GIN1: variants seen among roughly 807,000 people sequenced by gnomAD.
GIN1 encodes gypsy retrotransposon integrase-like protein 1.
A neutral mutation model predicts 51.4 loss-of-function variants in GIN1; 41 were observed. That is an observed-to-expected ratio of 0.80 (90% CI 0.62 to 1.04). The LOEUF (loss-of-function observed/expected upper bound fraction) is 1.04, where lower values mean the gene tolerates loss of function less well. Among genes scored for constraint, GIN1 ranks in the 50% least tolerant of loss-of-function variants. GIN1 has a pLI of 0.00. For synonymous variants in GIN1, 222 were observed against 206.5 expected, an observed-to-expected ratio of 1.07 and a Z score of -0.64; for missense variants, 610 against 612.4, an observed-to-expected ratio of 1.00 and a Z score of 0.04.
At chr5:103,101,038 CAT>C (rs1554195737) in intron 4 of GIN1, among the ~76,000 whole-genome samples, 1 of 152,158 alleles carries the variant, frequency 6.6e-6, no homozygotes, top group African/African-American at 2.4e-5. Flanking sequence ...TTCCCCTATA[CAT>C]ACATACCTAT....
rs782324988 is a variant in GIN1 at position 103,106,732 on chromosome 5, T to C, written c.317A>G (p.Asn106Ser). The change falls in exon 3 of 8, where the codon AAT becomes AGT. Residue 106 changes from asparagine to serine, a missense_variant. By Grantham distance (46) the Asn-to-Ser change is conservative. Transcript: ENST00000399004. Reference sequence around the variant, plus strand: ...AAGCCATACCCACTGTTTGACATCATTGGTCACAGATGTCCAATAATAATT... The same window carrying C: ...AAGCCATACCCACTGTTTGACATCACTGGTCACAGATGTCCAATAATAATT... The part of the protein sequence containing the change: ...ESNYYWTSVT[N>S]DVKQWVYACQ... The C allele has an allele frequency of 1.8e-5, 29 of 1,587,580 alleles. No homozygotes were observed. In the South Asian group the frequency reaches 2.8e-4, roughly 15 times the overall value.
intron 7 of GIN1, among the ~76,000 whole-genome samples, chr5:103,096,211 T>C (rs782221681): frequency 1.1e-4 from 16 of 151,800 alleles, no homozygotes; most frequent in Non-Finnish European, 1.9e-4. Flanking sequence ...GGCATGGTGG[T>C]ATCCACCTGT....
intron 1 of GIN1, among the ~76,000 whole-genome samples, chr5:103,110,932 G>C (rs1787864974): frequency 6.6e-6 from 1 of 152,054 alleles, no homozygotes; most frequent in Non-Finnish European, 1.5e-5. Context: ...CAAACCATCT[G>C]TGGTGAAACA....
At chr5:103,101,040 T>C (rs1388955391) in intron 4 of GIN1, among the ~76,000 whole-genome samples, 3 of 152,196 alleles carry the variant, frequency 2.0e-5, no homozygotes, top group African/African-American at 4.8e-5. Context: ...CCCCTATACA[T>C]ACATACCTAT....
rs1787672155 is a variant in GIN1 at position 103,104,644 on chromosome 5, T to C, written c.536A>G (p.Asp179Gly). 6.2e-7 allele frequency: 1 copy of C among 1,604,244 alleles called. No homozygotes were observed. The highest frequency in any genetic ancestry group is 1.7e-5 in the Admixed American group (1 of 59,976). The change falls in exon 4 of 8, where the codon GAT becomes GGT. Residue 179 changes from aspartate to glycine, a missense_variant. Transcript: ENST00000399004. ...TKWIVILPLC[D>G]VSASEVSKAI... ...TTTAGAAACTTCTGATGCTGAAACATCACATAGAGGCAAAATCACAATCCA... is the reference window on the plus strand; with the variant it reads ...TTTAGAAACTTCTGATGCTGAAACACCACATAGAGGCAAAATCACAATCCA...
intron 1 of GIN1, among the ~76,000 whole-genome samples, 167 bp downstream of exon 1, chr5:103,119,897 C>A (rs1350054333): frequency 6.6e-6 from 1 of 152,194 alleles, no homozygotes. Context: ...GACATCGCAA[C>A]GCCCAAGGCC....
chr5:103,096,420 A>G (rs1490470410), intron 7 of GIN1, 121 bp downstream of exon 7: 1 of 767,354 alleles, frequency 1.3e-6, no homozygotes, highest in East Asian at 2.5e-5. Context: ...CTAAAACTGT[A>G]ACAAATTTTA....
intron 2 of GIN1, among the ~76,000 whole-genome samples, chr5:103,107,946 C>T (rs908590451): frequency 6.6e-6 from 1 of 152,050 alleles, no homozygotes; most frequent in Non-Finnish European, 1.5e-5. Context: ...ATTCAATTAT[C>T]TGGTGACTAC....
chr5:103,103,200 C>T (rs1200016811), intron 4 of GIN1, among the ~76,000 whole-genome samples: 1 of 152,134 alleles, frequency 6.6e-6, no homozygotes, highest in Non-Finnish European at 1.5e-5. Context: ...ATGTGACCAG[C>T]GCCCAGTAAA....
intron 3 of GIN1, among the ~76,000 whole-genome samples, 187 bp from the exon 4 acceptor site, chr5:103,105,033 A>G (rs1442874618): frequency 2.6e-5 from 4 of 152,212 alleles, no homozygotes; most frequent in Admixed American, 2.6e-4. Context: ...AAACAACAAC[A>G]AACAACTGTA....
rs11954455 is a variant in GIN1, at chr5:103,089,982, A to T, written c.1295-1810T>A. On this transcript the variant is annotated intron_variant, in intron 7 of 7. Coordinates refer to ENST00000399004, the MANE Select transcript of GIN1 (RefSeq NM_017676.2). ...TCTCCCATAATTCTGAAAGACAAAA[A>T]AAAATAAAATAAAATAAAAATCATG... 8.3e-3 allele frequency among the ~76,000 whole-genome samples: 1,259 copies of T among 152,242 alleles called. 21 individuals carry two copies. Among genetic ancestry groups the T allele is most frequent in the African/African-American group, 0.026 (1,089 of 41,540 alleles).
At chr5:103,089,322 ACT>A (rs1282860070) in intron 7 of GIN1, among the ~76,000 whole-genome samples, 1 of 151,948 alleles carries the variant, frequency 6.6e-6, no homozygotes, top group Non-Finnish European at 1.5e-5. Flanking sequence ...ACAATAAGAA[ACT>A]CTTTTACCAA....
intron 1 of GIN1, among the ~76,000 whole-genome samples, chr5:103,113,525 T>G (rs1309714443): frequency 6.6e-6 from 1 of 150,422 alleles, no homozygotes; most frequent in Non-Finnish European, 1.5e-5. Context: ...CCACCTCTTT[T>G]TTTTTTTTTT....
intron 7 of GIN1, among the ~76,000 whole-genome samples, chr5:103,093,237 A>G (rs1787304273): frequency 6.6e-6 from 1 of 152,142 alleles, no homozygotes; most frequent in Non-Finnish European, 1.5e-5. Context: ...TAATCAGATG[A>G]CCTTAAAATA....
Position 103,097,418 on chromosome 5 carries a change from G to A in GIN1, c.904C>T (p.Leu302Phe), listed in dbSNP as rs528050660. 2 of 1,575,152 alleles carry A rather than the reference G, an allele frequency of 1.3e-6. No homozygotes were observed. Among genetic ancestry groups the A allele is most frequent in the African/African-American group, 2.7e-5 (2 of 74,238 alleles). The stretch of plus-strand genomic sequence containing the variant: ...GTATTATCACCATCCACTTCATGAA[G>A]ACTATCTGAAGTCTCAGGCATATAA... ...NPYMPETSDSLHEVDGDNTSM... is the reference protein window; with the variant it reads ...NPYMPETSDSFHEVDGDNTSM... The change falls in exon 6 of 8, where the codon CTT (leucine) becomes TTT (phenylalanine). Residue 302 changes from leucine (L) to phenylalanine (F), a missense_variant. Transcript: ENST00000399004.
At chr5:103,111,417 G>A (rs1182641047) in intron 1 of GIN1, among the ~76,000 whole-genome samples, 1 of 152,094 alleles carries the variant, frequency 6.6e-6, no homozygotes, top group Non-Finnish European at 1.5e-5. Flanking sequence ...AATCGTCTAA[G>A]CAATCCAAAG....
In GIN1 at chr5:103,087,838, A is replaced by G. The variant is rs1787116870; in HGVS notation, c.*60T>C. 2 of 693,922 alleles carry G rather than the reference A, an allele frequency of 2.9e-6. No individual in the cohort carries two copies. The highest frequency in any genetic ancestry group is 3.1e-5 in the Admixed American group (1 of 31,876). 43.0% of individuals were successfully genotyped at this position (693,922 alleles called of 1,614,324 possible). A position where few individuals can be genotyped will look rare whatever the true frequency, so the allele number is the denominator to read the frequency against. ...TTCTTCTATACAACGTTTTTAATGAATAAGATATCATTAAGAATTTATATT... is the reference window on the plus strand; with the variant it reads ...TTCTTCTATACAACGTTTTTAATGAGTAAGATATCATTAAGAATTTATATT... On this transcript the variant is annotated 3_prime_UTR_variant, in exon 8 of 8. Coordinates refer to ENST00000399004, the MANE Select transcript of GIN1 (RefSeq NM_017676.2).
intron 4 of GIN1, 77 bp downstream of exon 4, chr5:103,104,463 TA>T: frequency 1.5e-6 from 1 of 681,628 alleles, no homozygotes; most frequent in East Asian, 2.6e-5. Context: ...CTCTGTAATA[TA>T]ATGCAGAGGG....
Position 103,097,673 on chromosome 5 carries a change from G to T in GIN1, c.748C>A (p.Leu250Ile). ...ESTPNTIKAF[L>I]SKHCADHPNN... is the part of the protein sequence containing the mutation. ...GGGTGGTCAGCACAGTGTTTGGAGAGAAATGCTTTGATTGTGTTAGGTGTA... is the reference window on the plus strand; with the variant it reads ...GGGTGGTCAGCACAGTGTTTGGAGATAAATGCTTTGATTGTGTTAGGTGTA... Residue 250 changes from leucine to isoleucine, a missense_variant, in exon 5 of 8, where the codon CTC (leucine) becomes ATC (isoleucine). Leu to Ile is a conservative substitution (Grantham distance 5). Transcript: ENST00000399004. 3.1e-6 allele frequency: 5 copies of T among 1,607,512 alleles called. No individual in the cohort carries two copies. Among genetic ancestry groups the T allele is most frequent in the Non-Finnish European group, 4.3e-6 (5 of 1,174,036 alleles).
Sources: allele counts gnomAD v4.1 joint callset (sites outside exome capture counted in the v4.1 genomes callset), GRCh38; gene constraint gnomAD v4.1.1; transcripts MANE v1.5; gene names NCBI Gene and HGNC (gene_info 2026-07-23, HGNC 2026-07-21).